Variants in NETO1 observed in about 807,000 individuals in gnomAD.
NETO1 encodes neuropilin and tolloid like 1.
Under a neutral mutation model 61.3 loss-of-function variants are expected in NETO1, and 26 were observed. That is an observed-to-expected ratio of 0.42 (90% CI 0.31 to 0.59). NETO1 has a LOEUF of 0.59. Among genes scored for constraint, NETO1 ranks in the 20% least tolerant of loss-of-function variants. NETO1 has a pLI of 0.12. For synonymous variants in NETO1, 225 were observed against 225.8 expected (o/e 1.00, Z 0.03); for missense variants, 531 against 662.8 (o/e 0.80, Z 2.18).
intron 9 of NETO1, 93 bp from the exon 10 acceptor site, chr18:72,749,181 G>T (rs944512312): frequency 1.4e-5 from 11 of 793,422 alleles, no homozygotes; most frequent in Non-Finnish European, 2.0e-5. Flanking sequence ...TTAAAATTCA[G>T]AAAACTGTGG....
At chr18:72,766,354 A>C (rs1421224855) in intron 7 of NETO1, among the ~76,000 whole-genome samples, 2 of 152,010 alleles carry the variant, frequency 1.3e-5, no homozygotes, top group Non-Finnish European at 1.5e-5. Context: ...CCCACAAAAC[A>C]ATTTTTTTCC....
intron 7 of NETO1, among the ~76,000 whole-genome samples, chr18:72,777,872 C>G (rs1019046194): frequency 6.6e-6 from 1 of 152,172 alleles, no homozygotes; most frequent in Non-Finnish European, 1.5e-5. Flanking sequence ...AGTCACATAT[C>G]CCTGTCTCTA....
At position 72,841,606 on chromosome 18, in the gene NETO1, C is replaced by T. The variant is rs1055631008; in HGVS notation, c.469+17220G>A. Among the ~76,000 whole-genome samples the T allele has an allele frequency of 1.8e-4, 27 of 151,698 alleles. No individual in the cohort carries two copies. The East Asian group carries it at 4.1e-3, about 23-fold the overall frequency. On this transcript the variant is annotated intron_variant, in intron 4 of 10. Coordinates refer to ENST00000327305, the MANE Select transcript of NETO1 (RefSeq NM_138966.5). ...ATAATCAGCCGGGCATGGTAGTGTG[C>T]GCCTGTAGTCCCAGCTACTCAGGAG...
chr18:72,841,967 T>C (rs1343584932), intron 4 of NETO1, among the ~76,000 whole-genome samples: 1 of 152,096 alleles, frequency 6.6e-6, no homozygotes, highest in Non-Finnish European at 1.5e-5. Context: ...TTTAGCTCTT[T>C]CTGAAATTTT....
At chr18:72,754,822 G>A (rs2070734237) in intron 8 of NETO1, among the ~76,000 whole-genome samples, 1 of 152,180 alleles carries the variant, frequency 6.6e-6, no homozygotes, top group African/African-American at 2.4e-5. Context: ...GCTTGTTTAA[G>A]TTTATAGGCT....
intron 3 of NETO1, among the ~76,000 whole-genome samples, chr18:72,862,357 A>G (rs1384532993): frequency 6.6e-6 from 1 of 152,238 alleles, no homozygotes; most frequent in African/African-American, 2.4e-5. Context: ...CTCTATATTT[A>G]TGACGTACAT....
In NETO1 at chr18:72,778,546, C is replaced by T. The variant is rs746603229; in HGVS notation, c.868+5132G>A. 8.9e-4 allele frequency among the ~76,000 whole-genome samples: 135 copies of T among 152,282 alleles called. 2 individuals are homozygous for T. Among genetic ancestry groups the T allele is most frequent in the Non-Finnish European group, 1.7e-3 (114 of 68,028 alleles). ...CCAATTTCATCCCTCACAAGCAATA[C>T]CTTCCACAAAACACGAGAGCATAAA... On this transcript the variant is annotated intron_variant, in intron 7 of 10. Transcript: ENST00000327305.
intron 4 of NETO1, 96 bp downstream of exon 4, chr18:72,858,730 C>A (rs2074479261): frequency 1.7e-6 from 2 of 1,208,742 alleles, no homozygotes; most frequent in South Asian, 3.2e-5. Context: ...GGAACATTCT[C>A]TGAGAAAGTA....
At chr18:72,799,664 T>C (rs1429056553) in intron 4 of NETO1, among the ~76,000 whole-genome samples, 1 of 152,270 alleles carries the variant, frequency 6.6e-6, no homozygotes, top group Non-Finnish European at 1.5e-5. Context: ...ATCAACCACA[T>C]TAAAGTACAT....
At chr18:72,774,325 T>C (rs911716502) in intron 7 of NETO1, among the ~76,000 whole-genome samples, 7 of 152,198 alleles carry the variant, frequency 4.6e-5, no homozygotes, top group African/African-American at 1.7e-4. Context: ...TTTATTTGAA[T>C]GGGCATATTC....
intron 7 of NETO1, among the ~76,000 whole-genome samples, chr18:72,779,286 T>C (rs1306208849): frequency 1.3e-5 from 2 of 150,988 alleles, no homozygotes; most frequent in Admixed American, 6.6e-5. Context: ...ACATATTAAA[T>C]GTATAATTAT....
chr18:72,864,088 G>A (rs140352157), intron 3 of NETO1, among the ~76,000 whole-genome samples: 1 of 152,026 alleles, frequency 6.6e-6, no homozygotes, highest in African/African-American at 2.4e-5. Context: ...GCATGGTGGC[G>A]TATGCCTGTG....
chr18:72,815,538 C>T (rs1054948667), intron 4 of NETO1, among the ~76,000 whole-genome samples: 12 of 152,048 alleles, frequency 7.9e-5, no homozygotes, highest in South Asian at 6.2e-4. Context: ...GCCTCTAAAA[C>T]GTTTAATACA....
At chr18:72,800,439 T>G (rs1421198577) in intron 4 of NETO1, among the ~76,000 whole-genome samples, 1 of 151,812 alleles carries the variant, frequency 6.6e-6, no homozygotes, top group African/African-American at 2.4e-5. Context: ...GATCAGAGAG[T>G]AGACTGGACA....
chr18:72,853,572 A>T (rs1399881955), intron 4 of NETO1, among the ~76,000 whole-genome samples: 2 of 152,084 alleles, frequency 1.3e-5, no homozygotes, highest in African/African-American at 4.8e-5. Context: ...GGTCTGGCCA[A>T]CATGGTGAAA....
chr18:72,746,779 G>A lies in NETO1; in HGVS notation c.*1400C>T, dbSNP rs1168812024. Among the ~76,000 whole-genome samples the A allele has an allele frequency of 6.6e-6, 1 of 151,676 alleles. No homozygotes were observed. The highest frequency in any genetic ancestry group is 1.5e-5 in the Non-Finnish European group (1 of 67,888). The stretch of plus-strand genomic sequence containing the variant: ...ATGTTGGGAAGCATATATACTGATA[G>A]TAATTCTTATTTTAAAAATTTATTT... On this transcript the variant is annotated 3_prime_UTR_variant, in exon 11 of 11. Coordinates refer to ENST00000327305, the MANE Select transcript of NETO1 (RefSeq NM_138966.5).
intron 4 of NETO1, among the ~76,000 whole-genome samples, chr18:72,841,739 A>C (rs2073940401): frequency 7.0e-6 from 1 of 142,826 alleles, no homozygotes; most frequent in African/African-American, 2.7e-5. Context: ...ACCTCAACAA[A>C]AAAAAAAAAA....
chr18:72,789,457 T>A (rs2072040969), intron 6 of NETO1, among the ~76,000 whole-genome samples: 1 of 152,132 alleles, frequency 6.6e-6, no homozygotes, highest in Non-Finnish European at 1.5e-5. Flanking sequence ...TTATTCTTAC[T>A]TTTTGGAGAT....
chr18:72,829,587 C>A (rs1405901794), intron 4 of NETO1, among the ~76,000 whole-genome samples: 2 of 152,208 alleles, frequency 1.3e-5, no homozygotes, highest in Middle Eastern at 6.8e-3. Flanking sequence ...TCTACAGTAG[C>A]TGTTAAAATA....
Sources: gnomAD v4.1 joint callset for allele counts (sites outside exome capture counted in the v4.1 genomes callset) on GRCh38, gnomAD v4.1.1 for gene constraint, MANE v1.5 for transcripts, NCBI Gene and HGNC (gene_info 2026-07-23, HGNC 2026-07-21) for gene names.